Variants in PPP4R3B observed in about 807,000 individuals in gnomAD.
The protein encoded by PPP4R3B is serine/threonine-protein phosphatase 4 regulatory subunit 3B.
Under a neutral mutation model 95.4 loss-of-function variants are expected in PPP4R3B, and 52 were observed. The ratio of observed to expected loss-of-function variants is 0.54; its 90% CI spans 0.44 to 0.69. PPP4R3B has a LOEUF of 0.69. PPP4R3B is among the 30% of genes least tolerant of loss of function. The pLI, the probability that PPP4R3B is intolerant of heterozygous loss-of-function variation, is 0.00. For missense variants in PPP4R3B, 1,003 were observed against 1,005.9 expected, an observed-to-expected ratio of 1.00 and a Z score of 0.04; for synonymous variants, 407 against 343.9, an observed-to-expected ratio of 1.18 and a Z score of -2.03.
intron 2 of PPP4R3B, among the ~76,000 whole-genome samples, chr2:55,613,902 A>G (rs531283215): frequency 3.6e-4 from 55 of 152,290 alleles, no homozygotes; most frequent in Non-Finnish European, 6.2e-4. Flanking sequence ...AACTCGGTAT[A>G]AAGACAGAGA....
chr2:55,601,031 C>T lies in PPP4R3B; in HGVS notation c.298-1992G>A, dbSNP rs954644778. 2.6e-5 allele frequency among the ~76,000 whole-genome samples: 4 copies of T among 151,388 alleles called. No homozygotes were observed. The East Asian group carries it at 7.8e-4, about 30-fold the overall frequency. On this transcript the variant is annotated intron_variant, in intron 3 of 16. Transcript: ENST00000616407. ...GCATGGTGGCGCACGCCTGTAGTCC[C>T]AGCTATTAGGGAGGCTGAAGTGAGA... is the stretch of plus-strand genomic sequence containing the variant.
chr2:55,608,493 T>A (rs72803591), intron 2 of PPP4R3B, among the ~76,000 whole-genome samples: 5,563 of 152,312 alleles, frequency 0.037, 143 homozygotes, highest in South Asian at 0.091. Flanking sequence ...CTACCTTCAA[T>A]AAAGATCACA....
chr2:55,579,227 C>G (rs1250107193), intron 9 of PPP4R3B, among the ~76,000 whole-genome samples: 1 of 151,928 alleles, frequency 6.6e-6, no homozygotes, highest in East Asian at 1.9e-4. Flanking sequence ...AAGGAAAAAG[C>G]CTTGCCCCTA....
At chr2:55,568,951 G>C (rs377171965) in intron 12 of PPP4R3B, among the ~76,000 whole-genome samples, 37 of 152,192 alleles carry the variant, frequency 2.4e-4, no homozygotes, top group African/African-American at 8.4e-4. Flanking sequence ...AAGAGACTGA[G>C]GGCACGAGCT....
At chr2:55,597,050 T>A (rs1410705234) in intron 4 of PPP4R3B, among the ~76,000 whole-genome samples, 1 of 152,156 alleles carries the variant, frequency 6.6e-6, no homozygotes, top group Non-Finnish European at 1.5e-5. Context: ...TACTAAGAGC[T>A]GGAAGGAGGG....
intron 2 of PPP4R3B, among the ~76,000 whole-genome samples, chr2:55,609,304 C>T (rs1237155172): frequency 6.6e-6 from 1 of 152,144 alleles, no homozygotes; most frequent in Non-Finnish European, 1.5e-5. Flanking sequence ...CTACTACTGG[C>T]ATGCTAGGCC....
At chr2:55,571,621 TTTTG>T (rs146846704) in intron 12 of PPP4R3B, among the ~76,000 whole-genome samples, 4,172 of 152,068 alleles carry the variant, frequency 0.027, 206 homozygotes, top group African/African-American at 0.095. Context: ...AACACAGGTT[TTTTG>T]TTTGTTTGTT....
intron 1 of PPP4R3B, 80 bp from the exon 2 acceptor site, chr2:55,615,586 G>T: frequency 1.0e-6 from 1 of 991,316 alleles, no homozygotes; most frequent in East Asian, 2.5e-5. Context: ...TTAAAGCCGG[G>T]CGCAGTGGCT....
intron 13 of PPP4R3B, among the ~76,000 whole-genome samples, chr2:55,567,003 T>G (rs1019636192): frequency 6.6e-6 from 1 of 152,202 alleles, no homozygotes; most frequent in African/African-American, 2.4e-5. Flanking sequence ...TGAGACCTTG[T>G]CTCAAACAAA....
Position 55,568,372 on chromosome 2 carries a change from AAAT to A in PPP4R3B, c.1766-12_1766-10del. ...CATAAAGCGAAGGGCACCTAATTAAAAATAATATAGGGAATAAGTTAATGATCT... is the reference window on the plus strand; with the variant it reads ...CATAAAGCGAAGGGCACCTAATTAAAAATATAGGGAATAAGTTAATGATCT... On this transcript the variant is annotated splice_polypyrimidine_tract_variant and intron_variant, in intron 12 of 16. Coordinates refer to ENST00000616407, the MANE Select transcript of PPP4R3B (RefSeq NM_001122964.3). 1 of 1,586,930 alleles carries A rather than the reference AAAT, an allele frequency of 6.3e-7. No individual in the cohort carries two copies. Among genetic ancestry groups the A allele is most frequent in the Non-Finnish European group, 8.6e-7 (1 of 1,168,932 alleles).
chr2:55,580,042 T>C (rs1342079453), intron 8 of PPP4R3B, among the ~76,000 whole-genome samples: 1 of 152,140 alleles, frequency 6.6e-6, no homozygotes, highest in East Asian at 1.9e-4. Flanking sequence ...TATTATGTAC[T>C]AAGTAAAAAT....
At chr2:55,597,374 G>A (rs1049080216) in intron 4 of PPP4R3B, among the ~76,000 whole-genome samples, 2 of 152,126 alleles carry the variant, frequency 1.3e-5, no homozygotes, top group Admixed American at 1.3e-4. Context: ...TGTAATCCCA[G>A]CACTTTGGGA....
intron 16 of PPP4R3B, among the ~76,000 whole-genome samples, chr2:55,552,161 A>C (rs2103754706): frequency 6.6e-6 from 1 of 152,324 alleles, no homozygotes; most frequent in African/African-American, 2.4e-5. Context: ...TGTTTACAAT[A>C]AAAATAATAA....
chr2:55,578,294 G>C lies in PPP4R3B; in HGVS notation c.1517C>G (p.Pro506Arg). The change falls in exon 10 of 17, where the codon CCT becomes CGT. Residue 506 changes from proline to arginine, a missense_variant. Pro to Arg is a moderately radical substitution (Grantham distance 103, BLOSUM62 -2). Transcript: ENST00000616407. Reference protein sequence around the residue: ...YRYSWSFICTPSHSHSHSTPS... With the variant: ...YRYSWSFICTRSHSHSHSTPS... ...GGTAGAATGGGAATGGGAATGTGAA[G>C]GGGTACATATGAAACTCCAACTATA... 6.8e-7 allele frequency: 1 copy of C among 1,478,154 alleles called. No individual in the cohort carries two copies. The highest frequency in any genetic ancestry group is 9.0e-7 in the Non-Finnish European group (1 of 1,113,368). 91.6% of individuals were successfully genotyped at this position (1,478,154 alleles called of 1,614,324 possible). A position where few individuals can be genotyped will look rare whatever the true frequency, so the allele number is the denominator to read the frequency against.
chr2:55,590,001 A>G (rs566725000), intron 4 of PPP4R3B, among the ~76,000 whole-genome samples: 9 of 144,950 alleles, frequency 6.2e-5, no homozygotes, highest in Non-Finnish European at 1.4e-4. Context: ...ATATATATAT[A>G]ATATATATAT....
At chr2:55,558,479 G>A (rs751073518) in intron 16 of PPP4R3B, among the ~76,000 whole-genome samples, 3 of 152,034 alleles carry the variant, frequency 2.0e-5, no homozygotes, top group Admixed American at 6.6e-5. Context: ...GTGGTGGCAC[G>A]CGCCTGTAGT....
intron 3 of PPP4R3B, 76 bp downstream of exon 3, chr2:55,603,899 ATAT>A: frequency 1.0e-6 from 1 of 960,934 alleles, no homozygotes; most frequent in East Asian, 2.6e-5. Context: ...CCACATCCTA[ATAT>A]GTTTGAAGTA....
At chr2:55,579,308 T>G (rs921483401) in intron 9 of PPP4R3B, among the ~76,000 whole-genome samples, 1 of 152,150 alleles carries the variant, frequency 6.6e-6, no homozygotes, top group Non-Finnish European at 1.5e-5. Context: ...TATTTGCTTC[T>G]ACTCATTCTA....
intron 2 of PPP4R3B, among the ~76,000 whole-genome samples, chr2:55,611,935 G>C (rs1471583556): frequency 6.6e-6 from 1 of 152,090 alleles, no homozygotes; most frequent in Non-Finnish European, 1.5e-5. Context: ...ATCTTGCTAT[G>C]TTGTGCAGGC....
Sources: gnomAD v4.1 joint callset for allele counts (sites outside exome capture counted in the v4.1 genomes callset) on GRCh38, gnomAD v4.1.1 for gene constraint, MANE v1.5 for transcripts, NCBI Gene and HGNC (gene_info 2026-07-23, HGNC 2026-07-21) for gene names.